The following DPF3 variants were observed in gnomAD, a reference collection of about 807,000 sequenced individuals.
DPF3 encodes the protein zinc finger protein DPF3.
A neutral mutation model predicts 56.8 loss-of-function variants in DPF3; 18 were observed. The ratio of observed to expected loss-of-function variants is 0.32; its 90% CI spans 0.22 to 0.47. DPF3 has a LOEUF of 0.47. Among genes scored for constraint, DPF3 ranks in the 20% least tolerant of loss-of-function variants. The pLI, the probability that DPF3 is intolerant of heterozygous loss-of-function variation, is 1.00. For synonymous variants in DPF3, 188 were observed against 180.2 expected, an observed-to-expected ratio of 1.04 and a Z score of -0.35; for missense variants, 403 against 488.8, an observed-to-expected ratio of 0.82 and a Z score of 1.65.
chr14:72,726,372 T>C (rs1371782548), intron 4 of DPF3, among the ~76,000 whole-genome samples: 1 of 152,186 alleles, frequency 6.6e-6, no homozygotes, highest in Non-Finnish European at 1.5e-5. Flanking sequence ...GGTGAAAGAC[T>C]GGTAGAGGCA....
chr14:72,795,295 A>AATATATATATATAT (rs71109748), intron 1 of DPF3, among the ~76,000 whole-genome samples: 2 of 102,940 alleles, frequency 1.9e-5, no homozygotes, highest in Non-Finnish European at 3.8e-5. Context: ...AAAAAAAAAA[A>AATATATATATATAT]ATATATATAT....
chr14:72,688,194 G>GATGGA (rs1567200724), intron 7 of DPF3, among the ~76,000 whole-genome samples: 1 of 104,658 alleles, frequency 9.6e-6, no homozygotes, highest in East Asian at 2.7e-4. Flanking sequence ...GGATGGATGG[G>GATGGA]TGGGTGGGTG....
chr14:72,763,498 G>A (rs1891142878), intron 2 of DPF3, among the ~76,000 whole-genome samples: 1 of 152,104 alleles, frequency 6.6e-6, no homozygotes, highest in Admixed American at 6.5e-5. Flanking sequence ...AGAAAGACGA[G>A]TCTTTTCAGC....
intron 2 of DPF3, among the ~76,000 whole-genome samples, chr14:72,753,714 A>G (rs895486925): frequency 1.2e-4 from 19 of 152,166 alleles, no homozygotes; most frequent in African/African-American, 4.3e-4. Context: ...GTGGATCTCT[A>G]TCCACTGCCC....
At chr14:72,788,152 G>A (rs1348639703) in intron 1 of DPF3, among the ~76,000 whole-genome samples, 1 of 152,146 alleles carries the variant, frequency 6.6e-6, no homozygotes, top group Non-Finnish European at 1.5e-5. Flanking sequence ...TCATTCTGGG[G>A]ACCTGGAACA....
chr14:72,714,881 G>T (rs774156061), intron 5 of DPF3, among the ~76,000 whole-genome samples: 2 of 152,154 alleles, frequency 1.3e-5, no homozygotes, highest in African/African-American at 4.8e-5. Context: ...CACTGAGGCC[G>T]CTTCCTCCTG....
At chr14:72,789,940 C>T (rs1447928756) in intron 1 of DPF3, among the ~76,000 whole-genome samples, 2 of 152,208 alleles carry the variant, frequency 1.3e-5, no homozygotes, top group East Asian at 1.9e-4. Flanking sequence ...CACTCTGGCA[C>T]GATGCCAACT....
chr14:72,670,655 C>CTG (rs1409041832), intron 8 of DPF3: 5 of 990,278 alleles, frequency 5.0e-6, no homozygotes, highest in Non-Finnish European at 6.0e-6. Flanking sequence ...CTCTCTCTCT[C>CTG]TCTCGCAAAA....
At chr14:72,863,856 A>T (rs747763795) in intron 1 of DPF3, among the ~76,000 whole-genome samples, 9 of 152,214 alleles carry the variant, frequency 5.9e-5, no homozygotes, top group Admixed American at 5.2e-4. Context: ...TGTTCTGCCT[A>T]GAAAGAAGTC....
chr14:72,636,249 T>C (rs563322185), intron 8 of DPF3, among the ~76,000 whole-genome samples: 1 of 152,366 alleles, frequency 6.6e-6, no homozygotes, highest in African/African-American at 2.4e-5. Context: ...CATACACATA[T>C]AAAATTCCTG....
intron 6 of DPF3, among the ~76,000 whole-genome samples, chr14:72,712,192 G>A (rs531066306): frequency 1.8e-4 from 27 of 152,296 alleles, no homozygotes; most frequent in Admixed American, 8.5e-4. Context: ...GCACTACAGG[G>A]CACACAGAAG....
rs533855348 is a variant in DPF3, at chr14:72,616,144, T to C, written c.*3153A>G. Among the ~76,000 whole-genome samples, 21 of 152,308 alleles carry C rather than the reference T, an allele frequency of 1.4e-4. No individual in the cohort carries two copies. The South Asian group carries it at 4.4e-3, about 32-fold the overall frequency. ...GAATACCTGCAAAGACCATGCTGGATAGGCCATGTTTCCCCACCTTACAGA... is the reference window on the plus strand; with the variant it reads ...GAATACCTGCAAAGACCATGCTGGACAGGCCATGTTTCCCCACCTTACAGA... On this transcript the variant is annotated 3_prime_UTR_variant, in exon 11 of 11. Transcript: ENST00000556509.
chr14:72,850,374 C>T (rs77074362), intron 1 of DPF3, among the ~76,000 whole-genome samples: 1 of 152,280 alleles, frequency 6.6e-6, no homozygotes, highest in African/African-American at 2.4e-5. Flanking sequence ...GACTAGCCCC[C>T]AGAGGCATTG....
chr14:72,769,375 G>A (rs896831661), intron 2 of DPF3, among the ~76,000 whole-genome samples: 6 of 152,176 alleles, frequency 3.9e-5, no homozygotes, highest in African/African-American at 1.4e-4. Flanking sequence ...GAAACTACTG[G>A]GGTTGTTTCA....
chr14:72,836,567 C>T (rs1599484596), intron 1 of DPF3: 1 of 960,354 alleles, frequency 1.0e-6, no homozygotes, highest in South Asian at 4.8e-5. Flanking sequence ...TGATGTCACT[C>T]CTTTTATCAG....
intron 1 of DPF3, 75 bp downstream of exon 1, chr14:72,893,982 G>T: frequency 1.3e-6 from 2 of 1,578,364 alleles, no homozygotes; most frequent in Non-Finnish European, 1.7e-6. Flanking sequence ...CTCTGGCAGC[G>T]CTCGCCACGC....
intron 8 of DPF3, among the ~76,000 whole-genome samples, chr14:72,659,246 G>A (rs546954604): frequency 1.9e-4 from 29 of 152,250 alleles, no homozygotes; most frequent in South Asian, 8.3e-4. Flanking sequence ...TGTCAGCATC[G>A]GATTGGCAAC....
intron 8 of DPF3, among the ~76,000 whole-genome samples, chr14:72,636,106 C>T (rs1404314011): frequency 3.3e-5 from 5 of 152,156 alleles, no homozygotes; most frequent in African/African-American, 9.7e-5. Context: ...TATTCTGATG[C>T]TTGGTTTACA....
chr14:72,867,136 A>G (rs1343028191), intron 1 of DPF3, among the ~76,000 whole-genome samples: 16 of 152,122 alleles, frequency 1.1e-4, no homozygotes, highest in Admixed American at 9.2e-4. Context: ...GGCTCCAACA[A>G]TCCTCCCACC....
Sources: allele counts gnomAD v4.1 joint callset (sites outside exome capture counted in the v4.1 genomes callset), GRCh38; gene constraint gnomAD v4.1.1; transcripts MANE v1.5; gene names NCBI Gene and HGNC (gene_info 2026-07-23, HGNC 2026-07-21).